The following CPSF7 variants were observed in gnomAD, a reference collection of about 807,000 sequenced individuals.
CPSF7 encodes the protein cleavage and polyadenylation specificity factor subunit 7.
In CPSF7, 1 loss-of-function variant was observed where a neutral mutation model predicts 44.3. The ratio of observed to expected loss-of-function variants is 0.02; its 90% CI spans 0.01 to 0.11. CPSF7 has a LOEUF of 0.11. Among genes scored for constraint, CPSF7 ranks in the 10% least tolerant of loss-of-function variants. The pLI is 1.00. For missense variants in CPSF7, 443 were observed against 607.2 expected, an observed-to-expected ratio of 0.73 and a Z score of 2.84; for synonymous variants, 202 against 222.0, an observed-to-expected ratio of 0.91 and a Z score of 0.80.
intron 9 of CPSF7, chr11:61,410,553 A>C (rs1281471217): frequency 6.1e-6 from 1 of 164,634 alleles, no homozygotes; most frequent in Non-Finnish European, 1.3e-5. Context: ...AATGGTCTAC[A>C]TGGACTCTCT....
At chr11:61,406,084 CA>C (rs1232206184) in intron 9 of CPSF7, 1 of 152,112 alleles carries the variant, frequency 6.6e-6, no homozygotes, top group Non-Finnish European at 1.5e-5. Context: ...TTGAGAACTA[CA>C]AAAAGTTGAA....
At chr11:61,414,624 G>C (rs766717437) in intron 7 of CPSF7, among the ~76,000 whole-genome samples, 3 of 152,196 alleles carry the variant, frequency 2.0e-5, no homozygotes, top group Non-Finnish European at 4.4e-5. Flanking sequence ...TTTCTTAGGA[G>C]ATCTGATAAT....
chr11:61,423,441 G>C (rs976820737), intron 2 of CPSF7, among the ~76,000 whole-genome samples: 12 of 152,116 alleles, frequency 7.9e-5, no homozygotes, highest in Admixed American at 3.3e-4. Flanking sequence ...AAAGTGCTAG[G>C]ATTACAGGCG....
chr11:61,414,397 C>T (rs190901491), intron 7 of CPSF7, among the ~76,000 whole-genome samples: 3 of 152,134 alleles, frequency 2.0e-5, no homozygotes, highest in Non-Finnish European at 4.4e-5. Context: ...ATTTACCGGC[C>T]TTGGCCTCCC....
intron 2 of CPSF7, among the ~76,000 whole-genome samples, chr11:61,424,179 G>A (rs1861147317): frequency 6.6e-6 from 1 of 152,186 alleles, no homozygotes; most frequent in African/African-American, 2.4e-5. Context: ...AATGAGGAGA[G>A]AAGCTAACAC....
At chr11:61,418,165 G>A (rs1860516377) in intron 5 of CPSF7, among the ~76,000 whole-genome samples, 1 of 152,178 alleles carries the variant, frequency 6.6e-6, no homozygotes, top group African/African-American at 2.4e-5. Context: ...CTAGTTAAAA[G>A]AACAGCTGTT....
rs1273073227 is a variant in CPSF7, at chr11:61,408,229, TTG to T, written c.*5+2707_*5+2708del. Among the ~76,000 whole-genome samples the T allele has an allele frequency of 3.3e-5, 5 of 151,752 alleles. No individual in the cohort carries two copies. The East Asian group carries it at 9.7e-4, about 30-fold the overall frequency. On this transcript the variant is annotated intron_variant, in intron 9 of 9. Transcript: ENST00000439958. Reference sequence around the variant, plus strand: ...CTGCCACCATGCCCGGCTAATTTTTTTGTGTGTATTTTTAGTAGAGATGGGGT... The same window carrying T: ...CTGCCACCATGCCCGGCTAATTTTTTTGTGTATTTTTAGTAGAGATGGGGT...
Position 61,403,326 on chromosome 11 carries a change from T to TA in CPSF7, c.*1383dup, listed in dbSNP as rs1324991463. 1 of 152,218 alleles carries TA rather than the reference T, an allele frequency of 6.6e-6. No homozygotes were observed. Among genetic ancestry groups the TA allele is most frequent in the Admixed American group, 6.5e-5 (1 of 15,272 alleles). 9.4% of individuals were successfully genotyped at this position (152,218 alleles called of 1,614,324 possible). ...CTCATGTTAGGTGTCAGATGCCCTG[T>TA]AGATGCATGCAGAAGTAGCATCACC... On this transcript the variant is annotated 3_prime_UTR_variant, in exon 10 of 10. Transcript: ENST00000439958.
intron 4 of CPSF7, 129 bp from the exon 5 acceptor site, chr11:61,420,223 G>T: frequency 1.3e-6 from 1 of 750,538 alleles, no homozygotes; most frequent in Non-Finnish European, 2.2e-6. Context: ...CACACATACA[G>T]CACTAACAAC....
rs1204078284 is a variant in CPSF7 at position 61,403,696 on chromosome 11, C to A, written c.*1014G>T. ...GATGTAAGCCCATGCTTACATCAAA[C>A]CTGAAAAAAGAAAAGCCTATGGAAG... is the stretch of plus-strand genomic sequence containing the variant. On this transcript the variant is annotated 3_prime_UTR_variant, in exon 10 of 10. Coordinates refer to ENST00000439958, the MANE Select transcript of CPSF7 (RefSeq NM_001142565.3). 5 of 152,078 alleles carry A rather than the reference C, an allele frequency of 3.3e-5. No individual in the cohort carries two copies. The highest frequency in any genetic ancestry group is 1.2e-4 in the African/African-American group (5 of 41,386). 9.4% of individuals were successfully genotyped at this position (152,078 alleles called of 1,614,324 possible). A position where few individuals can be genotyped will look rare whatever the true frequency, so the allele number is the denominator to read the frequency against.
chr11:61,413,889 AGTGGAG>A (rs546546587), intron 7 of CPSF7, among the ~76,000 whole-genome samples: 138 of 152,310 alleles, frequency 9.1e-4, no homozygotes, highest in African/African-American at 3.2e-3. Flanking sequence ...GAAACTGTCC[AGTGGAG>A]GCACAAGAAT....
chr11:61,416,546 A>T, intron 5 of CPSF7, 27 bp from the exon 6 acceptor site: 2 of 1,612,060 alleles, frequency 1.2e-6, no homozygotes, highest in Non-Finnish European at 1.7e-6. Flanking sequence ...AACTGATGTT[A>T]CTGCCCAGGC....
intron 8 of CPSF7, 95 bp from the exon 9 acceptor site, chr11:61,411,200 T>G (rs548274925): frequency 7.9e-7 from 1 of 1,263,754 alleles, no homozygotes; most frequent in African/African-American, 1.5e-5. Flanking sequence ...GCCTAAACTA[T>G]TCCTCTATTA....
At chr11:61,429,398 C>A in intron 1 of CPSF7, 108 bp from the exon 2 acceptor site, 1 of 687,898 alleles carries the variant, frequency 1.5e-6, no homozygotes, top group South Asian at 1.7e-5. Flanking sequence ...ATCCTGGCGG[C>A]CCCAGCTCGG....
chr11:61,427,766 A>T (rs1378858074), intron 2 of CPSF7, among the ~76,000 whole-genome samples: 1 of 152,202 alleles, frequency 6.6e-6, no homozygotes, highest in Non-Finnish European at 1.5e-5. Context: ...TAAAAAGTAT[A>T]ATTGGTGAAG....
chr11:61,423,132 G>GT (rs1320881290), intron 2 of CPSF7, among the ~76,000 whole-genome samples: 1 of 101,840 alleles, frequency 9.8e-6, no homozygotes. Context: ...AAAAAAAAAG[G>GT]GTTCAGGATT....
At chr11:61,417,447 A>G (rs1365631664) in intron 5 of CPSF7, among the ~76,000 whole-genome samples, 1 of 152,234 alleles carries the variant, frequency 6.6e-6, no homozygotes, top group East Asian at 1.9e-4. Context: ...AAGCCTGTTT[A>G]TTGTGGAATC....
intron 1 of CPSF7, 67 bp downstream of exon 1, chr11:61,429,847 C>G: frequency 6.5e-7 from 1 of 1,545,370 alleles, no homozygotes; most frequent in South Asian, 1.2e-5. Context: ...CGACCCCCTT[C>G]CCGCCTCAGT....
intron 9 of CPSF7, among the ~76,000 whole-genome samples, chr11:61,408,305 C>T (rs1249647108): frequency 6.6e-6 from 1 of 152,096 alleles, no homozygotes; most frequent in African/African-American, 2.4e-5. Context: ...GACGGGGTTT[C>T]ACCATGTTAG....
Sources: allele counts gnomAD v4.1 joint callset (sites outside exome capture counted in the v4.1 genomes callset), GRCh38; gene constraint gnomAD v4.1.1; transcripts MANE v1.5; gene names NCBI Gene and HGNC (gene_info 2026-07-23, HGNC 2026-07-21).